The following JAKMIP3 variants were observed in gnomAD, a reference collection of about 807,000 sequenced individuals.
The protein encoded by JAKMIP3 is janus kinase and microtubule-interacting protein 3.
In JAKMIP3, 58 loss-of-function variants were observed where a neutral mutation model predicts 118.5. That is an observed-to-expected ratio of 0.49 (90% CI 0.40 to 0.61). JAKMIP3 has a LOEUF of 0.61. JAKMIP3 is among the 20% of genes least tolerant of loss of function. JAKMIP3 has a pLI of 0.00. For missense variants in JAKMIP3, 950 were observed against 1,109.0 expected (o/e 0.86, Z 2.04); for synonymous variants, 486 against 451.2 (o/e 1.08, Z -0.98).
chr10:132,061,241 G>GGC (rs79140075), upstream of JAKMIP3, among the ~76,000 whole-genome samples: 65 of 31,956 alleles, frequency 2.0e-3, 1 homozygote, highest in East Asian at 0.013. Flanking sequence ...CTGCCGTGAC[G>GGC]GCGCACACAC....
chr10:132,076,405 A>C (rs1363739908), intron 1 of JAKMIP3, among the ~76,000 whole-genome samples: 1 of 152,238 alleles, frequency 6.6e-6, no homozygotes, highest in East Asian at 1.9e-4. Context: ...TTATCTGTTC[A>C]CGAGTTGACT....
intron 3 of JAKMIP3, among the ~76,000 whole-genome samples, chr10:132,122,947 C>G (rs545634839): frequency 3.9e-5 from 6 of 152,344 alleles, no homozygotes; most frequent in African/African-American, 1.4e-4. Flanking sequence ...CAGGGCCCAT[C>G]ATCTTCAGGC....
At chr10:132,119,211 G>T (rs181887438) in intron 3 of JAKMIP3, among the ~76,000 whole-genome samples, 2 of 151,738 alleles carry the variant, frequency 1.3e-5, no homozygotes, top group East Asian at 1.9e-4. Flanking sequence ...TTGCAGCTAC[G>T]GGCAAGCTGG....
intron 1 of JAKMIP3, among the ~76,000 whole-genome samples, chr10:132,099,825 G>A (rs1249306107): frequency 3.9e-5 from 6 of 152,288 alleles, no homozygotes; most frequent in Admixed American, 1.3e-4. Context: ...CACGTTCCTC[G>A]GCACCCCAAA....
In JAKMIP3 at chr10:132,044,858, T is replaced by C. The variant is rs1248430318; in HGVS notation, c.-138+8120T>C. 6.6e-6 allele frequency among the ~76,000 whole-genome samples: 1 copy of C among 151,834 alleles called. No individual in the cohort carries two copies. The highest frequency in any genetic ancestry group is 6.5e-5 in the Admixed American group (1 of 15,270). ...CTTTGATTCCTTTAGGGGCCTCAGC[T>C]GAGTAGAATCATGGTATTTGTGCGT... On this transcript the variant is annotated intron_variant, in intron 1 of 23. Coordinates refer to the JAKMIP3 transcript ENST00000657785. This position sits in a 1 kb window ranked among gnomAD's most constrained non-coding sequence, Gnocchi z 5.3.
intron 1 of JAKMIP3, among the ~76,000 whole-genome samples, chr10:132,067,951 T>G (rs1297748651): frequency 7.6e-5 from 11 of 143,800 alleles, no homozygotes; most frequent in Non-Finnish European, 1.4e-4. Context: ...GTGTGGACTC[T>G]GGGTTTCTGT....
At chr10:132,058,074 G>A (rs950421471) in intron 1 of JAKMIP3, among the ~76,000 whole-genome samples, 1 of 152,210 alleles carries the variant, frequency 6.6e-6, no homozygotes, top group Admixed American at 6.5e-5. Flanking sequence ...GGACTGGCTT[G>A]GTGTCCGGTG....
intron 21 of JAKMIP3, 133 bp from the exon 22 acceptor site, chr10:132,166,850 A>G (rs1005649277): frequency 4.3e-6 from 3 of 691,328 alleles, no homozygotes; most frequent in Non-Finnish European, 7.5e-6. Context: ...CACAGTCCTT[A>G]ATAGCGTCCT....
intron 1 of JAKMIP3, among the ~76,000 whole-genome samples, chr10:132,097,983 C>G (rs796952273): frequency 2.4e-5 from 1 of 42,092 alleles, no homozygotes; most frequent in Non-Finnish European, 5.0e-5. Context: ...TTCTCCCCTT[C>G]CCCTTCCCCT....
At chr10:132,126,499 C>A (rs148693546) in intron 3 of JAKMIP3, among the ~76,000 whole-genome samples, 1 of 150,352 alleles carries the variant, frequency 6.7e-6, no homozygotes, top group African/African-American at 2.5e-5. Context: ...GACAGGGTCT[C>A]GCTTTGTTGC....
Position 132,154,827 on chromosome 10 carries a change from C to T in JAKMIP3, c.2220+837C>T, listed in dbSNP as rs879786662. 7.1e-3 allele frequency among the ~76,000 whole-genome samples: 736 copies of T among 103,690 alleles called. 5 individuals carry two copies. The highest frequency in any genetic ancestry group is 0.01 in the Non-Finnish European group (488 of 48,024). 68.0% of individuals were successfully genotyped at this position (103,690 alleles called of 152,430 possible). A position where few individuals can be genotyped will look rare whatever the true frequency, so the allele number is the denominator to read the frequency against. ...GTGGTGATGATTGTGCTGGCAATGGCAATGGTGATGGTGGTGGCGGTGGTG... is the reference window on the plus strand; with the variant it reads ...GTGGTGATGATTGTGCTGGCAATGGTAATGGTGATGGTGGTGGCGGTGGTG... On this transcript the variant is annotated intron_variant, in intron 19 of 23. Transcript: ENST00000684848.
At chr10:132,099,620 G>A (rs909774806) in intron 1 of JAKMIP3, among the ~76,000 whole-genome samples, 3 of 152,116 alleles carry the variant, frequency 2.0e-5, no homozygotes, top group Admixed American at 1.3e-4. Flanking sequence ...GGTTTTCCCC[G>A]ACTAACAGGC....
chr10:132,075,776 C>A (rs2040692177), intron 1 of JAKMIP3, among the ~76,000 whole-genome samples: 1 of 152,096 alleles, frequency 6.6e-6, no homozygotes, highest in Non-Finnish European at 1.5e-5. Flanking sequence ...AATCTCTTAT[C>A]CTTCCAAATG....
At chr10:132,149,551 C>T (rs2055413791) in intron 15 of JAKMIP3, 41 bp downstream of exon 15, 2 of 891,372 alleles carry the variant, frequency 2.2e-6, no homozygotes, top group Non-Finnish European at 1.6e-6. Flanking sequence ...CCCACCTCAC[C>T]CATCCCCCGC....
At chr10:132,150,076 C>T (rs779206081) in intron 16 of JAKMIP3, 35 bp downstream of exon 16, 14 of 1,543,508 alleles carry the variant, frequency 9.1e-6, no homozygotes, top group Admixed American at 1.8e-5. Flanking sequence ...ATGCCTCTTA[C>T]ACCCACAACC....
rs1182544581 is a variant in JAKMIP3 at position 132,117,612 on chromosome 10, CAGGGGCGGGCGTGGGCGA to C, written c.633+39_633+56del. The stretch of plus-strand genomic sequence containing the variant: ...GCAGGGGCGGGCGTGGGCGAGGGTG[CAGGGGCGGGCGTGGGCGA>C]GGGTGCAGGGGCGGGCGTGGGCGAG... On this transcript the variant is annotated intron_variant, in intron 3 of 23. Coordinates refer to ENST00000684848, the MANE Select transcript of JAKMIP3 (RefSeq NM_001323087.2). This position sits in a 1 kb window ranked among gnomAD's most constrained non-coding sequence, Gnocchi z 8.6. 1 of 1,111,262 alleles carries C rather than the reference CAGGGGCGGGCGTGGGCGA, an allele frequency of 9.0e-7. No homozygotes were observed. The highest frequency in any genetic ancestry group is 1.5e-5 in the African/African-American group (1 of 65,692). The allele number at this position is 1,111,262 out of a possible 1,614,324, so 68.8% of individuals were successfully genotyped here. A position where few individuals can be genotyped will look rare whatever the true frequency, so the allele number is the denominator to read the frequency against.
chr10:132,146,361 G>A (rs377761002), intron 13 of JAKMIP3, among the ~76,000 whole-genome samples: 9 of 152,096 alleles, frequency 5.9e-5, no homozygotes, highest in African/African-American at 7.2e-5. Context: ...TCACAGCACC[G>A]AGGGCCCTAG....
intron 19 of JAKMIP3, among the ~76,000 whole-genome samples, chr10:132,159,946 TG>T (rs1253338697): frequency 5.4e-5 from 1 of 18,656 alleles, no homozygotes; most frequent in Non-Finnish European, 8.3e-5. Flanking sequence ...TGTGTGATGC[TG>T]GGGGGGCCTC....
chr10:132,043,488 C>T (rs184089099), intron 1 of JAKMIP3, among the ~76,000 whole-genome samples: 1 of 152,296 alleles, frequency 6.6e-6, no homozygotes, highest in Admixed American at 6.5e-5. Context: ...GGTGCAGCAC[C>T]GCAGAGAATC....
Sources: gnomAD v4.1 joint callset for allele counts (sites outside exome capture counted in the v4.1 genomes callset) on GRCh38, gnomAD v4.1.1 for gene constraint, Gnocchi (gnomAD v3.1) non-coding constraint, MANE v1.5 for transcripts, NCBI Gene and HGNC (gene_info 2026-07-23, HGNC 2026-07-21) for gene names.